The following CTDSPL2 variants were observed in gnomAD, a reference collection of about 807,000 sequenced individuals.
CTDSPL2 encodes CTD small phosphatase like 2, also known as CTD small phosphatase-like protein 2.
Under a neutral mutation model 60.0 loss-of-function variants are expected in CTDSPL2, and 5 were observed. The ratio of observed to expected loss-of-function variants is 0.08; its 90% confidence interval spans 0.04 to 0.18. The LOEUF (loss-of-function observed/expected upper bound fraction) is 0.18, where lower values mean the gene tolerates loss of function less well. CTDSPL2 is among the 10% of genes least tolerant of loss of function. CTDSPL2 has a pLI of 1.00. For missense variants in CTDSPL2, 370 were observed against 548.8 expected, an observed-to-expected ratio of 0.67 and a Z score of 3.26; for synonymous variants, 186 against 189.3, an observed-to-expected ratio of 0.98 and a Z score of 0.14.
At chr15:44,447,090 A>G (rs2080233243) in intron 1 of CTDSPL2, among the ~76,000 whole-genome samples, 1 of 152,178 alleles carries the variant, frequency 6.6e-6, no homozygotes. Context: ...TATTGAAATT[A>G]TGTGGAAATT....
intron 12 of CTDSPL2, among the ~76,000 whole-genome samples, 189 bp from the exon 13 acceptor site, chr15:44,523,918 AAG>A (rs2081831660): frequency 6.6e-6 from 1 of 152,220 alleles, no homozygotes; most frequent in South Asian, 2.1e-4. Context: ...AAATTTAAAA[AAG>A]AAATCTTCAA....
chr15:44,507,000 C>T (rs1595769829), intron 8 of CTDSPL2, among the ~76,000 whole-genome samples: 1 of 151,758 alleles, frequency 6.6e-6, no homozygotes, highest in African/African-American at 2.4e-5. Flanking sequence ...ATCTCCTGAC[C>T]TCGTGATCCG....
rs1439020807 is a variant in CTDSPL2 at position 44,525,633 on chromosome 15, G to A, written c.*1459G>A. ...TGGACAACTGATAATTGAGGAGTAT[G>A]TCAATTAATTTTTTATGTATATTAC... is the stretch of plus-strand genomic sequence containing the variant. On this transcript the variant is annotated 3_prime_UTR_variant, in exon 13 of 13. Transcript: ENST00000260327. 2 of 396,188 alleles carry A rather than the reference G, an allele frequency of 5.0e-6. No individual in the cohort carries two copies. The highest frequency in any genetic ancestry group is 2.1e-5 in the African/African-American group (1 of 48,560). The allele number at this position is 396,188 out of a possible 1,614,324, so 24.5% of individuals were successfully genotyped here.
intron 5 of CTDSPL2, among the ~76,000 whole-genome samples, chr15:44,492,797 G>T (rs1311064795): frequency 6.6e-6 from 1 of 152,014 alleles, no homozygotes; most frequent in Non-Finnish European, 1.5e-5. Flanking sequence ...ATTCTTTTGT[G>T]GGTAATATTT....
At chr15:44,491,995 C>T (rs933212410) in intron 5 of CTDSPL2, among the ~76,000 whole-genome samples, 1 of 152,026 alleles carries the variant, frequency 6.6e-6, no homozygotes, top group Non-Finnish European at 1.5e-5. Flanking sequence ...TCCTGAGTAG[C>T]TGGGATTACA....
chr15:44,471,391 AT>A (rs1193163137), intron 2 of CTDSPL2, among the ~76,000 whole-genome samples: 4 of 152,054 alleles, frequency 2.6e-5, no homozygotes, highest in African/African-American at 7.2e-5. Context: ...AAATTCACCC[AT>A]TTTTTTGAAG....
At chr15:44,498,424 G>A (rs574465182) in intron 7 of CTDSPL2, among the ~76,000 whole-genome samples, 10 of 151,692 alleles carry the variant, frequency 6.6e-5, no homozygotes, top group South Asian at 4.2e-4. Context: ...TGAGACCCAC[G>A]TCTCTACAAA....
At chr15:44,497,699 A>G (rs1426515394) in intron 7 of CTDSPL2, among the ~76,000 whole-genome samples, 2 of 152,118 alleles carry the variant, frequency 1.3e-5, no homozygotes, top group Non-Finnish European at 2.9e-5. Context: ...TGATTTAAAA[A>G]TTTGTATTTT....
intron 2 of CTDSPL2, among the ~76,000 whole-genome samples, chr15:44,466,075 C>G (rs986303201): frequency 2.0e-5 from 3 of 152,040 alleles, no homozygotes; most frequent in African/African-American, 7.2e-5. Context: ...GATGGGATTA[C>G]AGGCACCCAC....
chr15:44,457,484 G>C (rs1291191322), intron 1 of CTDSPL2, among the ~76,000 whole-genome samples: 3 of 152,074 alleles, frequency 2.0e-5, no homozygotes, highest in South Asian at 4.1e-4. Context: ...TGGTTTAAGG[G>C]AATGCTGTGG....
intron 1 of CTDSPL2, 184 bp downstream of exon 1, chr15:44,427,956 T>A: frequency 2.9e-6 from 1 of 339,802 alleles, no homozygotes; most frequent in Non-Finnish European, 5.3e-6. Flanking sequence ...GTCTGGACTT[T>A]CCCCTGGGAA....
chr15:44,520,105 T>A (rs573662595), intron 11 of CTDSPL2: 1 of 151,906 alleles, frequency 6.6e-6, no homozygotes, highest in South Asian at 2.1e-4. Context: ...TATTTTAGAT[T>A]ATGAATATGT....
At chr15:44,472,484 T>C (rs770698312) in intron 2 of CTDSPL2, among the ~76,000 whole-genome samples, 7 of 152,184 alleles carry the variant, frequency 4.6e-5, no homozygotes, top group Non-Finnish European at 1.0e-4. Flanking sequence ...TTACATTTTC[T>C]TTAGAGAAAT....
intron 2 of CTDSPL2, among the ~76,000 whole-genome samples, chr15:44,470,081 G>C (rs1227257230): frequency 7.8e-6 from 1 of 129,002 alleles, no homozygotes; most frequent in Non-Finnish European, 1.6e-5. Flanking sequence ...CTGGGCGACA[G>C]AGCGAGACTC....
chr15:44,441,329 C>G (rs953644039), intron 1 of CTDSPL2, among the ~76,000 whole-genome samples: 9 of 152,194 alleles, frequency 5.9e-5, no homozygotes, highest in Non-Finnish European at 4.4e-5. Flanking sequence ...AGAGAAGGAT[C>G]TGGTTGGGGC....
In CTDSPL2 at chr15:44,527,481, G is replaced by T. The variant is rs574397843; in HGVS notation, c.*3307G>T. On this transcript the variant is annotated 3_prime_UTR_variant, in exon 13 of 13. Transcript: ENST00000260327. ...CATTATTCCTACAGATCTTTCCTGC[G>T]AGCACAGAATTCTTCATAAGGACCA... 1 of 152,048 alleles carries T rather than the reference G, an allele frequency of 6.6e-6. No individual in the cohort carries two copies. Among genetic ancestry groups the T allele is most frequent in the Non-Finnish European group, 1.5e-5 (1 of 67,980 alleles). 9.4% of individuals were successfully genotyped at this position (152,048 alleles called of 1,614,324 possible). A position where few individuals can be genotyped will look rare whatever the true frequency, so the allele number is the denominator to read the frequency against.
At chr15:44,447,742 A>C (rs1280041603) in intron 1 of CTDSPL2, 1 of 152,854 alleles carries the variant, frequency 6.5e-6, no homozygotes, top group Non-Finnish European at 1.5e-5. Flanking sequence ...GTATTTGTCA[A>C]TTTGATCATG....
chr15:44,490,124 C>A (rs2081190999), intron 4 of CTDSPL2, among the ~76,000 whole-genome samples: 1 of 151,842 alleles, frequency 6.6e-6, no homozygotes, highest in Admixed American at 6.6e-5. Context: ...ATGGAAAGAC[C>A]TGGGATTATT....
chr15:44,491,043 T>C (rs1567090444), intron 5 of CTDSPL2, 44 bp downstream of exon 5: 16 of 1,417,240 alleles, frequency 1.1e-5, no homozygotes, highest in Non-Finnish European at 1.6e-5. Context: ...GAGTAGTTGA[T>C]AAAAAATAAC....
Sources: allele counts gnomAD v4.1 joint callset (sites outside exome capture counted in the v4.1 genomes callset), GRCh38; gene constraint gnomAD v4.1.1; transcripts MANE v1.5; gene names NCBI Gene and HGNC (gene_info 2026-07-23, HGNC 2026-07-21).